Variants in IQCM observed in about 807,000 individuals in gnomAD.
IQCM encodes IQ motif containing M.
Under a neutral mutation model 57.6 loss-of-function variants are expected in IQCM, and 45 were observed. The ratio of observed to expected loss-of-function variants is 0.78; its 90% CI spans 0.62 to 1.00. The LOEUF (loss-of-function observed/expected upper bound fraction) is 1.00. Among genes scored for constraint, IQCM ranks in the 50% least tolerant of loss-of-function variants. IQCM has a pLI of 0.00. For synonymous variants in IQCM, 148 were observed against 158.9 expected (o/e 0.93, Z 0.51); for missense variants, 468 against 511.6 (o/e 0.91, Z 0.82).
At chr4:149,672,039 A>G (rs181589220) in intron 7 of IQCM, among the ~76,000 whole-genome samples, 1 of 152,244 alleles carries the variant, frequency 6.6e-6, no homozygotes, top group Admixed American at 6.5e-5. Flanking sequence ...GCAAACTCCA[A>G]CAGACCTGCA....
At chr4:149,646,280 CT>C (rs1300019093) in intron 7 of IQCM, among the ~76,000 whole-genome samples, 1 of 152,070 alleles carries the variant, frequency 6.6e-6, no homozygotes, top group Non-Finnish European at 1.5e-5. Flanking sequence ...TAATATGAAT[CT>C]TTTCTATTTC....
chr4:149,401,750 G>A (rs1366559755), intron 13 of IQCM, among the ~76,000 whole-genome samples: 1 of 151,714 alleles, frequency 6.6e-6, no homozygotes, highest in Non-Finnish European at 1.5e-5. Flanking sequence ...AATAATTTTA[G>A]AGTAATGAAT....
intron 13 of IQCM, among the ~76,000 whole-genome samples, chr4:149,414,814 A>T (rs1733629714): frequency 6.6e-6 from 1 of 152,090 alleles, no homozygotes; most frequent in African/African-American, 2.4e-5. Flanking sequence ...GGAAGTCTCA[A>T]ATATAAAATT....
chr4:149,815,245 A>T (rs1246288151), intron 2 of IQCM, 66 bp downstream of exon 2: 1 of 151,970 alleles, frequency 6.6e-6, no homozygotes, highest in Non-Finnish European at 1.5e-5. Flanking sequence ...GCCGCTTAAA[A>T]TCAGACACTG....
intron 12 of IQCM, among the ~76,000 whole-genome samples, chr4:149,463,675 G>A (rs569257681): frequency 6.6e-6 from 1 of 152,228 alleles, no homozygotes; most frequent in East Asian, 1.9e-4. Context: ...TCAATACTAA[G>A]CATATGGGTT....
chr4:149,383,463 C>T (rs1203536930), intron 13 of IQCM, among the ~76,000 whole-genome samples: 1 of 152,070 alleles, frequency 6.6e-6, no homozygotes, highest in South Asian at 2.1e-4. Flanking sequence ...ATGCAATAAA[C>T]CACATTTAAC....
At chr4:149,757,662 A>C (rs945497826) in intron 2 of IQCM, among the ~76,000 whole-genome samples, 1 of 152,174 alleles carries the variant, frequency 6.6e-6, no homozygotes, top group Non-Finnish European at 1.5e-5. Flanking sequence ...CGTACCTAAC[A>C]AAATAGTTCC....
At chr4:149,744,737 T>C (rs575126548) in intron 2 of IQCM, among the ~76,000 whole-genome samples, 1 of 152,092 alleles carries the variant, frequency 6.6e-6, no homozygotes, top group South Asian at 2.1e-4. Context: ...CAGCAGACAG[T>C]TACGAGATGC....
intron 12 of IQCM, among the ~76,000 whole-genome samples, chr4:149,456,021 C>T (rs914045968): frequency 4.0e-5 from 6 of 151,750 alleles, no homozygotes; most frequent in Non-Finnish European, 7.4e-5. Flanking sequence ...TTTCTTACTT[C>T]ACCATCAGTT....
At chr4:149,805,217 T>A (rs1773962492) in intron 2 of IQCM, among the ~76,000 whole-genome samples, 1 of 152,116 alleles carries the variant, frequency 6.6e-6, no homozygotes, top group Non-Finnish European at 1.5e-5. Flanking sequence ...ATGTAGTTTT[T>A]AAATTTTATT....
chr4:149,496,686 C>T (rs932209817), intron 12 of IQCM, among the ~76,000 whole-genome samples: 19 of 152,236 alleles, frequency 1.2e-4, no homozygotes, highest in African/African-American at 4.6e-4. Context: ...CTTCTGACCT[C>T]CAGAACTTCA....
intron 12 of IQCM, among the ~76,000 whole-genome samples, chr4:149,462,006 G>A (rs986130222): frequency 4.6e-5 from 7 of 151,936 alleles, no homozygotes; most frequent in Non-Finnish European, 7.4e-5. Flanking sequence ...ATAAAAATCA[G>A]GTGCTTTTAC....
At chr4:149,654,211 T>C (rs1031616864) in intron 7 of IQCM, among the ~76,000 whole-genome samples, 2 of 152,216 alleles carry the variant, frequency 1.3e-5, no homozygotes, top group Non-Finnish European at 2.9e-5. Context: ...CCTTTCTCAC[T>C]GTCTTCCTTT....
intron 5 of IQCM, among the ~76,000 whole-genome samples, chr4:149,708,412 G>T (rs560970503): frequency 6.6e-6 from 1 of 151,590 alleles, no homozygotes; most frequent in Non-Finnish European, 1.5e-5. Flanking sequence ...ACTATATTTT[G>T]TCAGAATGTA....
chr4:149,655,003 G>A (rs913932193), intron 7 of IQCM, among the ~76,000 whole-genome samples: 2 of 152,022 alleles, frequency 1.3e-5, no homozygotes, highest in Non-Finnish European at 2.9e-5. Context: ...GTGACTACCA[G>A]AAAATTTTAA....
At chr4:149,616,696 C>T (rs1275682410) in intron 8 of IQCM, among the ~76,000 whole-genome samples, 1 of 151,532 alleles carries the variant, frequency 6.6e-6, no homozygotes, top group East Asian at 1.9e-4. Context: ...TACATGGACA[C>T]AGGGAGGGGA....
chr4:149,406,763 C>A (rs1363966883), intron 13 of IQCM, among the ~76,000 whole-genome samples: 1 of 152,112 alleles, frequency 6.6e-6, no homozygotes, highest in Non-Finnish European at 1.5e-5. Flanking sequence ...TTTCAAAAAT[C>A]TGAGGTAGAT....
chr4:149,558,660 G>A (rs1196321962), intron 10 of IQCM, among the ~76,000 whole-genome samples: 1 of 152,158 alleles, frequency 6.6e-6, no homozygotes, highest in African/African-American at 2.4e-5. Flanking sequence ...TCGATAATAT[G>A]ACAATGAGCA....
intron 13 of IQCM, among the ~76,000 whole-genome samples, chr4:149,369,189 C>A (rs1730191939): frequency 6.6e-6 from 1 of 150,938 alleles, no homozygotes; most frequent in Non-Finnish European, 1.5e-5. Flanking sequence ...GGATTATAGG[C>A]ACCTGCCATC....
Sources: gnomAD v4.1 joint callset for allele counts (sites outside exome capture counted in the v4.1 genomes callset) on GRCh38, gnomAD v4.1.1 for gene constraint, MANE v1.5 for transcripts, NCBI Gene and HGNC (gene_info 2026-07-23, HGNC 2026-07-21) for gene names.